Variants in CEP63 observed in about 807,000 individuals in gnomAD.
CEP63 encodes centrosomal protein 63, also known as centrosomal protein of 63 kDa.
CEP63 carries 84 observed loss-of-function variants against 89.1 expected under a neutral mutation model. That is an observed-to-expected ratio of 0.94 (90% CI 0.79 to 1.13). The LOEUF is 1.13. Ranked by LOEUF, CEP63 falls within the 50% of genes most tolerant of loss-of-function variation. CEP63 has a pLI of 0.00. For missense variants in CEP63, 838 were observed against 813.3 expected, an observed-to-expected ratio of 1.03 and a Z score of -0.37; for synonymous variants, 267 against 272.5, an observed-to-expected ratio of 0.98 and a Z score of 0.20.
chr3:134,577,781 C>T (rs1247797414), downstream of CEP63, among the ~76,000 whole-genome samples: 1 of 151,992 alleles, frequency 6.6e-6, no homozygotes, highest in African/African-American at 2.4e-5. Flanking sequence ...TTCCGTCCAC[C>T]CCCGCGACAG....
At chr3:134,646,101 T>C in the CEP63 span, among the ~76,000 whole-genome samples, 1 of 152,218 alleles carries the variant, frequency 6.6e-6, no homozygotes, top group Non-Finnish European at 1.5e-5. Flanking sequence ...GGGCTTAGCA[T>C]GCATACCTTC....
the CEP63 span, among the ~76,000 whole-genome samples, chr3:134,720,415 C>G: frequency 6.6e-6 from 1 of 151,990 alleles, no homozygotes; most frequent in Non-Finnish European, 1.5e-5. Flanking sequence ...TTTGGTTTGT[C>G]TTTTCACTTT....
chr3:134,654,713 C>T, the CEP63 span, among the ~76,000 whole-genome samples: 1 of 152,194 alleles, frequency 6.6e-6, no homozygotes, highest in South Asian at 2.1e-4. Context: ...TTTGGACTTC[C>T]CTGGCAAGTA....
chr3:134,712,717 G>C, the CEP63 span, among the ~76,000 whole-genome samples: 1 of 152,150 alleles, frequency 6.6e-6, no homozygotes, highest in South Asian at 2.1e-4. Flanking sequence ...CACTGGCTGC[G>C]TGTGGCTTGG....
chr3:134,693,814 A>G, the CEP63 span, among the ~76,000 whole-genome samples: 4 of 152,200 alleles, frequency 2.6e-5, no homozygotes, highest in Non-Finnish European at 2.9e-5. Flanking sequence ...GCTGCTCTCC[A>G]CAGGAGTTTT....
chr3:134,592,960 A>G, the CEP63 span, among the ~76,000 whole-genome samples: 1 of 151,900 alleles, frequency 6.6e-6, no homozygotes, highest in South Asian at 2.1e-4. Flanking sequence ...CCGGGCTCCC[A>G]CTACATGGTT....
At chr3:134,570,747 A>G (rs1226514863) in intron 11 of CEP63, among the ~76,000 whole-genome samples, 2 of 152,148 alleles carry the variant, frequency 1.3e-5, no homozygotes, top group Non-Finnish European at 2.9e-5. Context: ...TACTGGTACC[A>G]ATTTACTGTA....
chr3:134,497,306 T>G (rs1940448930), intron 2 of CEP63, among the ~76,000 whole-genome samples: 1 of 152,224 alleles, frequency 6.6e-6, no homozygotes, highest in African/African-American at 2.4e-5. Flanking sequence ...TGGTTGCCTG[T>G]GCTTTTGAAG....
At chr3:134,550,000 C>G in intron 10 of CEP63, 63 bp from the exon 11 acceptor site, 1 of 1,126,842 alleles carries the variant, frequency 8.9e-7, no homozygotes, top group South Asian at 1.3e-5. Context: ...TAGCTAGTAA[C>G]ATATTATTCT....
chr3:134,564,922 A>G lies in CEP63; in HGVS notation c.*3387A>G. ...CTGTTTTTTAAAGCTGAAGTATCTA[A>G]TAGTTAATGGGTTGTCCAAATTTGT... On this transcript the variant is annotated 3_prime_UTR_variant, in exon 15 of 15. Coordinates refer to ENST00000675561, the MANE Select transcript of CEP63 (RefSeq NM_001353108.3). 1.0e-6 allele frequency: 1 copy of G among 983,900 alleles called. No homozygotes were observed. The highest frequency in any genetic ancestry group is 4.7e-5 in the South Asian group (1 of 21,244). The allele number at this position is 983,900 out of a possible 1,614,324, so 60.9% of individuals were successfully genotyped here.
At chr3:134,530,481 T>A (rs1949655342) in intron 3 of CEP63, among the ~76,000 whole-genome samples, 1 of 152,218 alleles carries the variant, frequency 6.6e-6, no homozygotes, top group Admixed American at 6.5e-5. Flanking sequence ...GTAAGTCTTT[T>A]GTGTACTAAA....
chr3:134,569,870 C>T (rs1373969813), downstream of CEP63, among the ~76,000 whole-genome samples: 1 of 152,244 alleles, frequency 6.6e-6, no homozygotes, highest in African/African-American at 2.4e-5. Flanking sequence ...CGTTTCTATA[C>T]ACCCTCTGAA....
the CEP63 span, chr3:134,620,938 T>C: frequency 2.4e-6 from 2 of 816,672 alleles, no homozygotes; most frequent in Admixed American, 4.2e-5. Flanking sequence ...CTACAGCCAG[T>C]GCTGCTCTTC....
chr3:134,570,210 T>C (rs1009180306), intron 11 of CEP63, among the ~76,000 whole-genome samples: 4 of 152,086 alleles, frequency 2.6e-5, no homozygotes, highest in African/African-American at 4.8e-5. Context: ...ATTCGGCTCC[T>C]CATTACTTAT....
chr3:134,508,193 GTTA>G (rs1303142453), intron 3 of CEP63, among the ~76,000 whole-genome samples: 1 of 152,152 alleles, frequency 6.6e-6, no homozygotes, highest in Non-Finnish European at 1.5e-5. Context: ...TGTTAAAAAT[GTTA>G]TTATGCTTAC....
chr3:134,507,384 CAA>C, intron 3 of CEP63, 98 bp downstream of exon 3: 2 of 884,182 alleles, frequency 2.3e-6, no homozygotes, highest in Non-Finnish European at 3.5e-6. Context: ...ATTTGTATAC[CAA>C]GTTAGTTTAT....
chr3:134,536,671 C>T (rs1006862766), intron 5 of CEP63: 2 of 198,318 alleles, frequency 1.0e-5, no homozygotes, highest in Admixed American at 5.3e-5. Context: ...CTACTTGGTT[C>T]CTTAGTTTTA....
At position 134,561,701 on chromosome 3, in the gene CEP63, C is replaced by G. The variant is rs138355549; in HGVS notation, c.*166C>G. ...AACTGATACTTTTGATAGGCATTTT[C>G]TCTGCACTGGTTTGTTTAAAGGACT... On this transcript the variant is annotated 3_prime_UTR_variant, in exon 15 of 15. Transcript: ENST00000675561. 7,957 of 1,445,626 alleles carry G rather than the reference C, an allele frequency of 5.5e-3. 136 individuals carry two copies. In the Admixed American group the frequency reaches 0.067, roughly 12 times the overall value. The allele number at this position is 1,445,626 out of a possible 1,614,324, so 89.5% of individuals were successfully genotyped here. A position where few individuals can be genotyped will look rare whatever the true frequency, so the allele number is the denominator to read the frequency against.
chr3:134,587,771 C>T (rs964138351), exon 11 of CEP63, among the ~76,000 whole-genome samples: 11 of 151,488 alleles, frequency 7.3e-5, no homozygotes, highest in Non-Finnish European at 1.3e-4. Flanking sequence ...TCTTCTCCAT[C>T]GATCACGCTG....
Sources: allele counts gnomAD v4.1 joint callset (sites outside exome capture counted in the v4.1 genomes callset), GRCh38; gene constraint gnomAD v4.1.1; transcripts MANE v1.5; gene names NCBI Gene and HGNC (gene_info 2026-07-23, HGNC 2026-07-21).